PLAGL1: variants seen among roughly 807,000 people sequenced by gnomAD.
The protein encoded by PLAGL1 is PLAG1 like zinc finger 1, also known as zinc finger protein PLAGL1.
Under a neutral mutation model 4.6 loss-of-function variants are expected in PLAGL1, and 1 was observed. That is an observed-to-expected ratio of 0.22 (90% CI 0.08 to 1.03). PLAGL1 has a LOEUF of 1.03. Ranked by LOEUF, PLAGL1 falls within the 50% of genes least tolerant of loss-of-function variation. The probability of loss-of-function intolerance (pLI) is 0.58; values close to 1 mark genes in which losing one functional copy is unlikely to be tolerated. For synonymous variants in PLAGL1, 240 were observed against 237.8 expected (o/e 1.01, Z -0.08); for missense variants, 464 against 570.4 (o/e 0.81, Z 1.90).
Position 143,965,770 on chromosome 6 carries a change from T to C in PLAGL1, c.-431+388A>G, listed in dbSNP as rs1001552248. 6.6e-6 allele frequency: 1 copy of C among 152,098 alleles called. No individual in the cohort carries two copies. The highest frequency in any genetic ancestry group is 2.4e-5 in the African/African-American group (1 of 41,400). 9.4% of individuals were successfully genotyped at this position (152,098 alleles called of 1,614,324 possible). ...GGTCTAGCCTTGGTTGGCACATGCTTCCCTTGTCACACCAGACAGGTGAGA... is the reference window on the plus strand; with the variant it reads ...GGTCTAGCCTTGGTTGGCACATGCTCCCCTTGTCACACCAGACAGGTGAGA... On this transcript the variant is annotated intron_variant, in intron 4 of 7. Coordinates refer to ENST00000674357, the MANE Select transcript of PLAGL1 (RefSeq NM_001317162.2). This position sits in a 1 kb window ranked among gnomAD's most constrained non-coding sequence, Gnocchi z 7.5.
intron 1 of PLAGL1, among the ~76,000 whole-genome samples, chr6:144,044,885 GT>G (rs1236274376): frequency 6.6e-6 from 1 of 151,726 alleles, no homozygotes; most frequent in African/African-American, 2.4e-5. Flanking sequence ...ATTTAGGATA[GT>G]TAGCTCTTCT....
chr6:143,944,219 G>T (rs1779267206), intron 7 of PLAGL1, among the ~76,000 whole-genome samples: 1 of 152,068 alleles, frequency 6.6e-6, no homozygotes. Flanking sequence ...GTATGTTTAA[G>T]TCAAAAGTAT....
At position 143,985,966 on chromosome 6, in the gene PLAGL1, TTATATATATATAAAATTATATATATA is replaced by T. The variant is rs1245888091; in HGVS notation, c.-583-818_-583-793del. Among the ~76,000 whole-genome samples, 4 of 107,882 alleles carry T rather than the reference TTATATATATATAAAATTATATATATA, an allele frequency of 3.7e-5. No individual in the cohort carries two copies. Among genetic ancestry groups the T allele is most frequent in the African/African-American group, 6.6e-5 (2 of 30,434 alleles). The allele number at this position is 107,882 out of a possible 152,430, so 70.8% of individuals were successfully genotyped here. On this transcript the variant is annotated intron_variant, in intron 1 of 7. Transcript: ENST00000674357. This position sits in a 1 kb window ranked among gnomAD's most constrained non-coding sequence, Gnocchi z 4.4. ...GATATATATACACATATATATCAAA[TTATATATATATAAAATTATATATATA>T]TATATATATATATATATATCATTTA...
chr6:144,019,403 C>T (rs1292889675), intron 1 of PLAGL1, among the ~76,000 whole-genome samples: 1 of 151,494 alleles, frequency 6.6e-6, no homozygotes, highest in Non-Finnish European at 1.5e-5. Flanking sequence ...ACCTGGGAGG[C>T]GGAGGTTGCA....
rs2128527387 is a variant in PLAGL1 at position 143,950,919 on chromosome 6, T to G, written c.-324-2459A>C. Among the ~76,000 whole-genome samples the G allele has an allele frequency of 6.6e-6, 1 of 152,368 alleles. No homozygotes were observed. Among genetic ancestry groups the G allele is most frequent in the Middle Eastern group, 3.4e-3 (1 of 294 alleles). On this transcript the variant is annotated intron_variant, in intron 6 of 7. Transcript: ENST00000674357. This position sits in a 1 kb window ranked among gnomAD's most constrained non-coding sequence, Gnocchi z 6.3. Reference sequence around the variant, plus strand: ...AATTTAAATTGCCACATAGTGCCAGTGGCTGCTGTCCTGGACGGCACAGGC... The same window carrying G: ...AATTTAAATTGCCACATAGTGCCAGGGGCTGCTGTCCTGGACGGCACAGGC...
At chr6:144,046,379 TC>T (rs1284141260) in intron 1 of PLAGL1, among the ~76,000 whole-genome samples, 1 of 152,208 alleles carries the variant, frequency 6.6e-6, no homozygotes, top group Non-Finnish European at 1.5e-5. Flanking sequence ...GGTGTGGATG[TC>T]CTTTTTGTTA....
chr6:144,031,909 G>C (rs1280064879), intron 1 of PLAGL1, among the ~76,000 whole-genome samples: 1 of 152,030 alleles, frequency 6.6e-6, no homozygotes, highest in Non-Finnish European at 1.5e-5. Context: ...ATTTTGACAG[G>C]AATTATATTG....
rs184859835 is a variant in PLAGL1 at position 143,949,426 on chromosome 6, A to C, written c.-324-966T>G. Among the ~76,000 whole-genome samples the C allele has an allele frequency of 2.2e-3, 336 of 152,330 alleles. 2 individuals are homozygous for C. Among genetic ancestry groups the C allele is most frequent in the Middle Eastern group, 0.01 (3 of 294 alleles). On this transcript the variant is annotated intron_variant, in intron 6 of 7. Coordinates refer to ENST00000674357, the MANE Select transcript of PLAGL1 (RefSeq NM_001317162.2). The surrounding 1 kb of genome is among the most constrained non-coding windows in gnomAD (Gnocchi z 5.3). ...GGGTGGCTTTCCACCCAAGCTGAGA[A>C]ACTGTGTTCCAAAAATTTACACTTG...
At position 143,966,650 on chromosome 6, in the gene PLAGL1, T is replaced by C. The variant is rs889016110; in HGVS notation, c.-471-452A>G. ...TACTGCTGGAACAAAAAGGGAAAAA[T>C]TACCTTGGTAAATGCCACATCATGG... On this transcript the variant is annotated intron_variant, in intron 3 of 7. Coordinates refer to ENST00000674357, the MANE Select transcript of PLAGL1 (RefSeq NM_001317162.2). The surrounding 1 kb of genome is among the most constrained non-coding windows in gnomAD (Gnocchi z 6.0). The C allele has an allele frequency of 2.0e-5, 3 of 152,164 alleles. No homozygotes were observed. The highest frequency in any genetic ancestry group is 1.3e-4 in the Admixed American group (2 of 15,278). 9.4% of individuals were successfully genotyped at this position (152,164 alleles called of 1,614,324 possible). A position where few individuals can be genotyped will look rare whatever the true frequency, so the allele number is the denominator to read the frequency against.
rs144046206 is a variant in PLAGL1 at position 143,963,194 on chromosome 6, C to T, written c.-399+1593G>A. On this transcript the variant is annotated intron_variant, in intron 5 of 7. Coordinates refer to ENST00000674357, the MANE Select transcript of PLAGL1 (RefSeq NM_001317162.2). The surrounding 1 kb of genome is among the most constrained non-coding windows in gnomAD (Gnocchi z 6.1). Reference sequence around the variant, plus strand: ...ACCTTCTCACATTAATACATGATCTCCCTGGGGGACCCCATGCACAACCCA... The same window carrying T: ...ACCTTCTCACATTAATACATGATCTTCCTGGGGGACCCCATGCACAACCCA... Among the ~76,000 whole-genome samples the T allele has an allele frequency of 2.1e-3, 316 of 152,306 alleles. 1 individual carries two copies. The highest frequency in any genetic ancestry group is 0.017 in the South Asian group (81 of 4,828).
intron 1 of PLAGL1, among the ~76,000 whole-genome samples, chr6:144,019,290 G>A (rs1795795418): frequency 6.6e-6 from 1 of 152,046 alleles, no homozygotes. Flanking sequence ...TGGCCAACAT[G>A]GTGAAACACC....
rs958421312 is a variant in PLAGL1 at position 143,978,355 on chromosome 6, G to A, written c.-544+6780C>T. On this transcript the variant is annotated intron_variant, in intron 2 of 7. Coordinates refer to ENST00000674357, the MANE Select transcript of PLAGL1 (RefSeq NM_001317162.2). The surrounding 1 kb of genome is among the most constrained non-coding windows in gnomAD (Gnocchi z 4.6). ...CACTGTTTCAGCTGTATCCCACATG[G>A]TTTCATAAACTGTATTTTCATTAAA... Among the ~76,000 whole-genome samples, 2 of 151,866 alleles carry A rather than the reference G, an allele frequency of 1.3e-5. No individual in the cohort carries two copies. Among genetic ancestry groups the A allele is most frequent in the Non-Finnish European group, 1.5e-5 (1 of 67,942 alleles).
At position 143,948,053 on chromosome 6, in the gene PLAGL1, C is replaced by T. The variant is rs1780188832; in HGVS notation, c.84G>A (p.Arg28=). Reference sequence around the variant, plus strand: ...GCTGCACACACTTGTACGGCCGCTCCCTGGAGTGGGAATAATTGTGAATCG... The same window carrying T: ...GCTGCACACACTTGTACGGCCGCTCTCTGGAGTGGGAATAATTGTGAATCG... ...KFTIHNYSHS[R]ERPYKCVQPD... The change falls in exon 7 of 8, where the codon AGG becomes AGA. Residue 28 remains arginine, a synonymous_variant. Coordinates refer to ENST00000674357, the MANE Select transcript of PLAGL1 (RefSeq NM_001317162.2). This position sits in a 1 kb window ranked among gnomAD's most constrained non-coding sequence, Gnocchi z 6.0. 6.2e-6 allele frequency: 10 copies of T among 1,614,088 alleles called. No homozygotes were observed. The highest frequency in any genetic ancestry group is 8.5e-6 in the Non-Finnish European group (10 of 1,179,930).
intron 1 of PLAGL1, among the ~76,000 whole-genome samples, chr6:144,051,484 A>G (rs1798581437): frequency 6.6e-6 from 1 of 152,358 alleles, no homozygotes; most frequent in East Asian, 1.9e-4. Flanking sequence ...CACAAATGAT[A>G]TCTTATTGGA....
At chr6:144,007,851 C>G (rs975125950) in intron 1 of PLAGL1, 1 of 152,218 alleles carries the variant, frequency 6.6e-6, no homozygotes, top group African/African-American at 2.4e-5. Context: ...GCGCGAACGC[C>G]TCTGGCAGCG....
At chr6:144,040,581 A>G (rs1478561320) in intron 1 of PLAGL1, among the ~76,000 whole-genome samples, 1 of 143,960 alleles carries the variant, frequency 6.9e-6, no homozygotes, top group Non-Finnish European at 1.5e-5. Flanking sequence ...AAAAAATAAA[A>G]GCTACTAGGA....
At chr6:144,029,452 A>T (rs1179662832) in intron 1 of PLAGL1, among the ~76,000 whole-genome samples, 2 of 152,258 alleles carry the variant, frequency 1.3e-5, no homozygotes, top group Non-Finnish European at 2.9e-5. Flanking sequence ...CAGATAAGTA[A>T]GGAAAAGATT....
In PLAGL1 at chr6:144,063,821, C is replaced by A. The variant is rs761014352; in HGVS notation, c.-151+647G>T. On this transcript the variant is annotated intron_variant, in intron 1 of 3. Coordinates refer to the PLAGL1 transcript ENST00000437412. This position sits in a 1 kb window ranked among gnomAD's most constrained non-coding sequence, Gnocchi z 5.7. ...CGGGGCGTGTCCTGCCCGCCCCCAT[C>A]AGGGGAGTCCTGCTCTCGAAATTAT... Among the ~76,000 whole-genome samples, 2 of 152,190 alleles carry A rather than the reference C, an allele frequency of 1.3e-5. No homozygotes were observed. Among genetic ancestry groups the A allele is most frequent in the Non-Finnish European group, 2.9e-5 (2 of 68,022 alleles).
At position 144,064,517 on chromosome 6, in the gene PLAGL1, G is replaced by A. The variant is rs1023849610; in HGVS notation, c.-200C>T. 1 of 152,282 alleles carries A rather than the reference G, an allele frequency of 6.6e-6. No individual in the cohort carries two copies. The highest frequency in any genetic ancestry group is 1.5e-5 in the Non-Finnish European group (1 of 68,132). The allele number at this position is 152,282 out of a possible 1,614,324, so 9.4% of individuals were successfully genotyped here. A position where few individuals can be genotyped will look rare whatever the true frequency, so the allele number is the denominator to read the frequency against. ...GAAAGTTCTGGAGTCCGGAGCCCGT[G>A]GCCCACTGGGTCAGCTCCGGCCGGC... On this transcript the variant is annotated 5_prime_UTR_variant, in exon 1 of 4. Coordinates refer to the PLAGL1 transcript ENST00000437412. The surrounding 1 kb of genome is among the most constrained non-coding windows in gnomAD (Gnocchi z 6.8).
Sources: gnomAD v4.1 joint callset for allele counts (sites outside exome capture counted in the v4.1 genomes callset) on GRCh38, gnomAD v4.1.1 for gene constraint, Gnocchi (gnomAD v3.1) non-coding constraint, MANE v1.5 for transcripts, NCBI Gene and HGNC (gene_info 2026-07-23, HGNC 2026-07-21) for gene names.